Variants in XRRA1 observed in about 807,000 individuals in gnomAD.
The protein encoded by XRRA1 is X-ray radiation resistance-associated protein 1.
Under a neutral mutation model 80.2 loss-of-function variants are expected in XRRA1, and 69 were observed. The ratio of observed to expected loss-of-function variants is 0.86; its 90% CI spans 0.71 to 1.05. The LOEUF (loss-of-function observed/expected upper bound fraction) is 1.05. Ranked by LOEUF, XRRA1 falls within the 50% of genes least tolerant of loss-of-function variation. The probability of loss-of-function intolerance (pLI) is 0.00; values close to 1 mark genes in which losing one functional copy is unlikely to be tolerated. For synonymous variants in XRRA1, 348 were observed against 389.9 expected, an observed-to-expected ratio of 0.89 and a Z score of 1.27; for missense variants, 967 against 976.4, an observed-to-expected ratio of 0.99 and a Z score of 0.13.
At chr11:74,892,668 C>A (rs1230180074) in intron 10 of XRRA1, among the ~76,000 whole-genome samples, 1 of 151,970 alleles carries the variant, frequency 6.6e-6, no homozygotes, top group African/African-American at 2.4e-5. Context: ...TGACAAAGGG[C>A]TAATATCCAG....
Position 74,842,428 on chromosome 11 carries a change from T to G in XRRA1, c.*772A>C, listed in dbSNP as rs978937385. The G allele has an allele frequency of 2.6e-5, 4 of 152,272 alleles. No individual in the cohort carries two copies. The highest frequency in any genetic ancestry group is 5.9e-5 in the Non-Finnish European group (4 of 68,060). The allele number at this position is 152,272 out of a possible 1,614,324, so 9.4% of individuals were successfully genotyped here. A position where few individuals can be genotyped will look rare whatever the true frequency, so the allele number is the denominator to read the frequency against. The stretch of plus-strand genomic sequence containing the variant: ...ATGAAAGTGGATGTTCTGTTTATAG[T>G]CAGAGTCTTGTCTCTGGTGAACAAT... On this transcript the variant is annotated 3_prime_UTR_variant, in exon 19 of 19. Coordinates refer to ENST00000684022, the MANE Select transcript of XRRA1 (RefSeq NM_001378157.1).
At chr11:74,868,170 C>T (rs2043905525) in intron 10 of XRRA1, among the ~76,000 whole-genome samples, 2 of 152,162 alleles carry the variant, frequency 1.3e-5, no homozygotes, top group African/African-American at 4.8e-5. Flanking sequence ...CCACCTGCCT[C>T]AGCTTCCCAA....
At chr11:74,893,126 A>G (rs886900313) in intron 10 of XRRA1, among the ~76,000 whole-genome samples, 10 of 152,210 alleles carry the variant, frequency 6.6e-5, no homozygotes, top group Non-Finnish European at 1.3e-4. Flanking sequence ...TTGTGGCACT[A>G]TTCACAATAG....
chr11:74,902,783 G>T (rs1258136548), intron 10 of XRRA1, among the ~76,000 whole-genome samples: 4 of 152,026 alleles, frequency 2.6e-5, no homozygotes, highest in Non-Finnish European at 5.9e-5. Context: ...GGATAGTGGG[G>T]GCCTGGGGGA....
chr11:74,922,256 C>CAA (rs398016677), intron 7 of XRRA1, among the ~76,000 whole-genome samples: 1,414 of 68,696 alleles, frequency 0.021, 34 homozygotes, highest in East Asian at 0.062. Flanking sequence ...GACTCTGCCT[C>CAA]AAAAAAAAAA....
intron 10 of XRRA1, among the ~76,000 whole-genome samples, chr11:74,878,074 C>T (rs1359602523): frequency 1.3e-5 from 2 of 151,044 alleles, no homozygotes; most frequent in Non-Finnish European, 3.0e-5. Context: ...TTTACAGTCC[C>T]ACCAACAGTG....
chr11:74,888,706 T>C (rs1361902739), intron 10 of XRRA1, among the ~76,000 whole-genome samples: 1 of 152,060 alleles, frequency 6.6e-6, no homozygotes, highest in East Asian at 1.9e-4. Context: ...GAATAACCAA[T>C]GCAGAGAAGT....
chr11:74,857,948 C>T (rs1181188838), intron 12 of XRRA1, among the ~76,000 whole-genome samples: 1 of 152,082 alleles, frequency 6.6e-6, no homozygotes, highest in African/African-American at 2.4e-5. Context: ...TAGGACTCAG[C>T]TAAAGCAGTG....
intron 8 of XRRA1, chr11:74,918,842 C>T (rs1591406152): frequency 6.6e-6 from 1 of 152,364 alleles, no homozygotes; most frequent in Non-Finnish European, 1.5e-5. Context: ...TCAGCAGCAG[C>T]AGTGATAGTG....
At chr11:74,843,723 C>G (rs1449642240) in intron 18 of XRRA1, 131 bp downstream of exon 18, 2 of 886,728 alleles carry the variant, frequency 2.3e-6, no homozygotes. Flanking sequence ...TTTTGTCCAT[C>G]TACATGTAGA....
chr11:74,899,817 C>A (rs2053197481), intron 10 of XRRA1, among the ~76,000 whole-genome samples: 1 of 152,050 alleles, frequency 6.6e-6, no homozygotes, highest in Admixed American at 6.6e-5. Flanking sequence ...CTGAATTCTA[C>A]CAAACATTTA....
intron 7 of XRRA1, among the ~76,000 whole-genome samples, chr11:74,922,677 G>A (rs964092639): frequency 1.1e-4 from 17 of 152,112 alleles, no homozygotes; most frequent in African/African-American, 2.4e-4. Flanking sequence ...ACATATACAC[G>A]CTACAGGTTA....
At chr11:74,875,540 A>G (rs935334493) in intron 10 of XRRA1, among the ~76,000 whole-genome samples, 8 of 152,314 alleles carry the variant, frequency 5.3e-5, no homozygotes, top group Admixed American at 2.6e-4. Flanking sequence ...AGAGAACTTA[A>G]TAACAGTCAA....
chr11:74,942,098 A>T (rs1478904209), intron 2 of XRRA1, among the ~76,000 whole-genome samples: 7 of 140,038 alleles, frequency 5.0e-5, no homozygotes, highest in East Asian at 3.9e-4. Flanking sequence ...CCCCATATTT[A>T]AAAAAAAAAA....
At chr11:74,868,735 A>G (rs1263150640) in intron 10 of XRRA1, among the ~76,000 whole-genome samples, 2 of 152,056 alleles carry the variant, frequency 1.3e-5, no homozygotes, top group East Asian at 1.9e-4. Flanking sequence ...TAAACCAACA[A>G]AGATTAAAAA....
chr11:74,855,221 T>C (rs900981568), intron 12 of XRRA1, among the ~76,000 whole-genome samples: 1 of 152,182 alleles, frequency 6.6e-6, no homozygotes, highest in Non-Finnish European at 1.5e-5. Flanking sequence ...CCAATATGTT[T>C]TGATAAATGA....
At chr11:74,947,266 C>T (rs2140137897) in intron 1 of XRRA1, among the ~76,000 whole-genome samples, 1 of 152,192 alleles carries the variant, frequency 6.6e-6, no homozygotes, top group Middle Eastern at 3.4e-3. Flanking sequence ...TGGTTCATGC[C>T]TGTAATCCCA....
chr11:74,844,549 C>T (rs1271723886), intron 16 of XRRA1, among the ~76,000 whole-genome samples: 1 of 152,202 alleles, frequency 6.6e-6, no homozygotes, highest in African/African-American at 2.4e-5. Context: ...GGGGAAAAGG[C>T]TGGCTCCAAT....
In XRRA1 at chr11:74,924,271, C is replaced by T. The variant is rs558231183; in HGVS notation, c.523-2924G>A. ...CGGGCAGATCACGAGGTCAGGAGAT[C>T]GAGACCATCCTGGCTAACACGGTGA... On this transcript the variant is annotated intron_variant, in intron 7 of 18. Coordinates refer to ENST00000684022, the MANE Select transcript of XRRA1 (RefSeq NM_001378157.1). 5.3e-4 allele frequency among the ~76,000 whole-genome samples: 79 copies of T among 149,086 alleles called. 1 individual carries two copies. The highest frequency in any genetic ancestry group is 3.5e-3 in the Middle Eastern group (1 of 284).
Sources: gnomAD v4.1 joint callset for allele counts (sites outside exome capture counted in the v4.1 genomes callset) on GRCh38, gnomAD v4.1.1 for gene constraint, MANE v1.5 for transcripts, NCBI Gene and HGNC (gene_info 2026-07-23, HGNC 2026-07-21) for gene names.